Variants in MAF observed in about 807,000 individuals in gnomAD.
MAF encodes transcription factor Maf.
In MAF, 10 loss-of-function variants were observed where a neutral mutation model predicts 22.0. The observed-to-expected ratio is 0.45, with a 90% CI of 0.28 to 0.77. The LOEUF (loss-of-function observed/expected upper bound fraction) is 0.77. Ranked by LOEUF, MAF falls within the 30% of genes least tolerant of loss-of-function variation. The probability of loss-of-function intolerance (pLI) is 0.12; values close to 1 mark genes in which losing one functional copy is unlikely to be tolerated. For missense variants in MAF, 544 were observed against 548.4 expected (o/e 0.99, Z 0.08); for synonymous variants, 337 against 255.8 (o/e 1.32, Z -3.03).
the MAF span, among the ~76,000 whole-genome samples, chr16:79,411,965 G>A: frequency 1.3e-5 from 2 of 152,270 alleles, no homozygotes; most frequent in South Asian, 2.1e-4. Flanking sequence ...TCCATAAGTG[G>A]CAGTAGTGTT....
the MAF span, among the ~76,000 whole-genome samples, chr16:79,508,368 T>G: frequency 2.6e-5 from 4 of 152,258 alleles, no homozygotes; most frequent in African/African-American, 9.6e-5. Flanking sequence ...ACTCCTTCCC[T>G]CTCTGTGGGG....
chr16:79,256,203 T>C, the MAF span, among the ~76,000 whole-genome samples: 1 of 151,802 alleles, frequency 6.6e-6, no homozygotes, highest in African/African-American at 2.4e-5. Context: ...TTAGACAGGA[T>C]GGTCTCAATC....
At chr16:79,589,114 G>A (rs891080050), downstream of MAF, among the ~76,000 whole-genome samples, 6 of 152,092 alleles carry the variant, frequency 3.9e-5, no homozygotes, top group African/African-American at 9.7e-5. Context: ...TTTTTAAGGT[G>A]TAACGATACT....
the MAF span, among the ~76,000 whole-genome samples, chr16:79,277,475 C>A: frequency 6.6e-6 from 1 of 152,232 alleles, no homozygotes; most frequent in African/African-American, 2.4e-5. Flanking sequence ...TCACCAATTT[C>A]ATATGCTAAA....
At chr16:79,438,505 G>A in the MAF span, among the ~76,000 whole-genome samples, 18 of 152,358 alleles carry the variant, frequency 1.2e-4, no homozygotes, top group African/African-American at 4.3e-4. Flanking sequence ...GCAGTGGGAA[G>A]TGGCATTTGC....
At chr16:79,307,623 T>A in the MAF span, among the ~76,000 whole-genome samples, 1 of 152,154 alleles carries the variant, frequency 6.6e-6, no homozygotes, top group African/African-American at 2.4e-5. Flanking sequence ...AACAATACTG[T>A]CTGGCAAATG....
the MAF span, among the ~76,000 whole-genome samples, chr16:79,487,136 T>G: frequency 6.6e-6 from 1 of 151,342 alleles, no homozygotes; most frequent in Non-Finnish European, 1.5e-5. Context: ...ATTAGGTAAG[T>G]AGGACCCATT....
At chr16:79,284,385 G>C in the MAF span, among the ~76,000 whole-genome samples, 1 of 152,162 alleles carries the variant, frequency 6.6e-6, no homozygotes, top group Non-Finnish European at 1.5e-5. Flanking sequence ...TCACCCCTTA[G>C]AGGGTTCCAC....
At chr16:79,303,915 AAAAG>A in the MAF span, among the ~76,000 whole-genome samples, 1 of 152,192 alleles carries the variant, frequency 6.6e-6, no homozygotes, top group Non-Finnish European at 1.5e-5. Flanking sequence ...GGGGAGAAAA[AAAAG>A]AGAGAGGTTA....
chr16:79,553,645 A>G, the MAF span, among the ~76,000 whole-genome samples: 693 of 152,346 alleles, frequency 4.5e-3, 7 homozygotes, highest in African/African-American at 0.016. Flanking sequence ...CAGAGCCTCA[A>G]AGAAAGCCCA....
chr16:79,337,266 A>G, the MAF span, among the ~76,000 whole-genome samples: 1 of 152,156 alleles, frequency 6.6e-6, no homozygotes, highest in Admixed American at 6.5e-5. Context: ...ATGAAAAGAA[A>G]TGCACCCATA....
chr16:79,215,557 G>T, the MAF span, among the ~76,000 whole-genome samples: 1 of 152,182 alleles, frequency 6.6e-6, no homozygotes, highest in South Asian at 2.1e-4. Context: ...TCCTGGCCGT[G>T]TCTAGGGCCT....
chr16:79,211,470 GTACCCT>G, the MAF span: 1 of 1,078,414 alleles, frequency 9.3e-7, no homozygotes, highest in Non-Finnish European at 1.4e-6. Context: ...TTTCAGCCCA[GTACCCT>G]TTGCTATGCC....
chr16:79,229,254 A>G, the MAF span: 1,858 of 151,392 alleles, frequency 0.012, 37 homozygotes, highest in Non-Finnish European at 0.021. Flanking sequence ...GCCTCTCCCA[A>G]CCCCTTGGAA....
At chr16:79,569,815 C>G in the MAF span, among the ~76,000 whole-genome samples, 1 of 152,128 alleles carries the variant, frequency 6.6e-6, no homozygotes, top group African/African-American at 2.4e-5. Context: ...TGTTAGGAAC[C>G]ACCAACCTAG....
At chr16:79,504,759 C>T in the MAF span, among the ~76,000 whole-genome samples, 2 of 152,196 alleles carry the variant, frequency 1.3e-5, no homozygotes, top group African/African-American at 4.8e-5. Context: ...CTGGCAATCT[C>T]ATACATTGGA....
At chr16:79,210,432 C>G in the MAF span, among the ~76,000 whole-genome samples, 1 of 152,126 alleles carries the variant, frequency 6.6e-6, no homozygotes, top group Admixed American at 6.5e-5. Flanking sequence ...CAATGTAAAC[C>G]CTGCAGGGGC....
the MAF span, among the ~76,000 whole-genome samples, chr16:79,314,985 T>G: frequency 6.6e-6 from 1 of 152,242 alleles, no homozygotes; most frequent in Non-Finnish European, 1.5e-5. Flanking sequence ...TCTGCAGTAT[T>G]GAGACACAGG....
chr16:79,585,465 G>T (rs1009148037), downstream of MAF, among the ~76,000 whole-genome samples: 1 of 152,054 alleles, frequency 6.6e-6, no homozygotes, highest in East Asian at 1.9e-4. Flanking sequence ...ACCGGCCAAG[G>T]GCGATGGATA....
Sources: gnomAD v4.1 joint callset for allele counts (sites outside exome capture counted in the v4.1 genomes callset) on GRCh38, gnomAD v4.1.1 for gene constraint, MANE v1.5 for transcripts, NCBI Gene and HGNC (gene_info 2026-07-23, HGNC 2026-07-21) for gene names.